NTRK2: variants seen among roughly 807,000 people sequenced by gnomAD.
NTRK2 encodes the protein neurotrophic receptor tyrosine kinase 2.
In NTRK2, 13 loss-of-function variants were observed where a neutral mutation model predicts 94.5. That is an observed-to-expected ratio of 0.14 (90% CI 0.09 to 0.22). The LOEUF (loss-of-function observed/expected upper bound fraction) is 0.22, where lower values mean the gene tolerates loss of function less well. Among genes scored for constraint, NTRK2 ranks in the 10% least tolerant of loss-of-function variants. The pLI, the probability that NTRK2 is intolerant of heterozygous loss-of-function variation, is 1.00. For synonymous variants in NTRK2, 372 were observed against 407.4 expected (o/e 0.91, Z 1.05); for missense variants, 639 against 1,071.2 (o/e 0.60, Z 5.63).
At chr9:84,798,878 T>G (rs942359638) in intron 12 of NTRK2, among the ~76,000 whole-genome samples, 1 of 145,558 alleles carries the variant, frequency 6.9e-6, no homozygotes, top group African/African-American at 2.6e-5. Context: ...TGATATTTAC[T>G]GAACACCTGC....
At chr9:84,701,180 C>T in intron 2 of NTRK2, among the ~76,000 whole-genome samples, 1 of 152,228 alleles carries the variant, frequency 6.6e-6, no homozygotes, top group East Asian at 1.9e-4. Context: ...TTAAGATTAA[C>T]TTAGGTTAGT....
At chr9:84,835,144 A>T (rs1332092604) in intron 12 of NTRK2, among the ~76,000 whole-genome samples, 1 of 152,144 alleles carries the variant, frequency 6.6e-6, no homozygotes, top group East Asian at 1.9e-4. Context: ...CAGACGTTTT[A>T]TCTGGGAGCT....
At chr9:84,707,822 T>G (rs2061199796) in intron 4 of NTRK2, 22 bp from the exon 5 acceptor site, 2 of 1,585,040 alleles carry the variant, frequency 1.3e-6, no homozygotes, top group Admixed American at 1.7e-5. Context: ...AATTCATGTT[T>G]AATGTTTTTG....
chr9:84,832,656 T>C (rs747884458), intron 12 of NTRK2, among the ~76,000 whole-genome samples: 14 of 152,152 alleles, frequency 9.2e-5, no homozygotes, highest in Non-Finnish European at 1.6e-4. Flanking sequence ...TATTACGCAA[T>C]CTTTAACCTA....
chr9:84,993,946 C>A (rs113411922), intron 17 of NTRK2, among the ~76,000 whole-genome samples: 1,536 of 152,274 alleles, frequency 0.01, 15 homozygotes, highest in Non-Finnish European at 0.015. Context: ...AGGCTTCCAG[C>A]CCAAAGCAAA....
intron 14 of NTRK2, among the ~76,000 whole-genome samples, chr9:84,893,525 G>A (rs952424207): frequency 2.0e-5 from 3 of 152,166 alleles, no homozygotes; most frequent in African/African-American, 7.2e-5. Context: ...CTCATTGGCA[G>A]TGTAGATGTG....
At chr9:84,746,292 T>C (rs1451937587) in intron 11 of NTRK2, among the ~76,000 whole-genome samples, 1 of 152,366 alleles carries the variant, frequency 6.6e-6, no homozygotes, top group Non-Finnish European at 1.5e-5. Context: ...ATTTACGTAC[T>C]GTCTGTGGCT....
At chr9:84,867,581 A>G in intron 14 of NTRK2, 150 bp downstream of exon 14, 3 of 753,198 alleles carry the variant, frequency 4.0e-6, no homozygotes, top group African/African-American at 1.7e-5. Context: ...CCAGGAATAG[A>G]TCCTTTAGTT....
chr9:84,981,135 C>T lies in NTRK2; in HGVS notation c.2172+25618C>T, dbSNP rs762917549. 3.3e-5 allele frequency among the ~76,000 whole-genome samples: 5 copies of T among 152,222 alleles called. 1 individual carries two copies. The highest frequency in any genetic ancestry group is 1.3e-4 in the Admixed American group (2 of 15,286). ...TCTCTCTATTGCCCAGGCTAGAGTA[C>T]AGTGGTGCAATCTCAGCTAATTGAA... On this transcript the variant is annotated intron_variant, in intron 17 of 18. Coordinates refer to ENST00000277120, the MANE Select transcript of NTRK2 (RefSeq NM_006180.6).
chr9:84,918,969 G>C (rs958596297), intron 14 of NTRK2, among the ~76,000 whole-genome samples: 6 of 152,052 alleles, frequency 3.9e-5, no homozygotes, highest in African/African-American at 1.4e-4. Context: ...ACCTGCAATA[G>C]CTCCCATCTG....
rs1403065628 is a variant in NTRK2 at position 85,022,962 on chromosome 9, T to C, written c.*1525T>C. The C allele has an allele frequency of 4.3e-6, 1 of 233,050 alleles. No homozygotes were observed. Among genetic ancestry groups the C allele is most frequent in the African/African-American group, 2.2e-5 (1 of 45,296 alleles). The allele number at this position is 233,050 out of a possible 1,614,324, so 14.4% of individuals were successfully genotyped here. ...ACAGGTCAAGTCCCTTGCTCTGGGC[T>C]CTAGTTGGGAGAGTGGTTTCATTCC... On this transcript the variant is annotated 3_prime_UTR_variant, in exon 19 of 19. Coordinates refer to ENST00000277120, the MANE Select transcript of NTRK2 (RefSeq NM_006180.6).
At chr9:84,972,829 T>G (rs921435038) in intron 17 of NTRK2, among the ~76,000 whole-genome samples, 7 of 152,182 alleles carry the variant, frequency 4.6e-5, no homozygotes, top group Admixed American at 4.6e-4. Flanking sequence ...TAAGCAATCA[T>G]ATTCTCATTT....
chr9:85,009,382 G>C (rs1300449123), intron 17 of NTRK2, among the ~76,000 whole-genome samples: 1 of 152,136 alleles, frequency 6.6e-6, no homozygotes, highest in Non-Finnish European at 1.5e-5. Context: ...TGCTTTGGTG[G>C]AAAGGTTTGA....
At chr9:84,685,370 T>TTC (rs1365981076) in intron 2 of NTRK2, among the ~76,000 whole-genome samples, 2 of 151,962 alleles carry the variant, frequency 1.3e-5, no homozygotes, top group African/African-American at 4.8e-5. Context: ...TTCTTCTTTT[T>TTC]TTTTTTTTCT....
chr9:84,889,279 C>T (rs923128467), intron 14 of NTRK2, among the ~76,000 whole-genome samples: 5 of 151,754 alleles, frequency 3.3e-5, no homozygotes, highest in Non-Finnish European at 2.9e-5. Context: ...CGTGAGCCAC[C>T]GCGCCCGGCC....
intron 2 of NTRK2, among the ~76,000 whole-genome samples, chr9:84,690,735 A>T (rs965097654): frequency 1.1e-4 from 16 of 152,014 alleles, no homozygotes; most frequent in Non-Finnish European, 2.1e-4. Flanking sequence ...AAAAATAAAA[A>T]AAATGATAAT....
intron 14 of NTRK2, among the ~76,000 whole-genome samples, chr9:84,923,512 T>A (rs925554660): frequency 8.5e-5 from 13 of 152,206 alleles, no homozygotes; most frequent in Admixed American, 4.6e-4. Flanking sequence ...TAACCACTGG[T>A]GTGATTTTTT....
chr9:84,934,018 T>G (rs2132714243), intron 14 of NTRK2, 144 bp from the exon 15 acceptor site: 1 of 829,990 alleles, frequency 1.2e-6, no homozygotes, highest in Middle Eastern at 3.0e-4. Context: ...ACTGTGAAGA[T>G]GGACACCCAG....
In NTRK2 at chr9:84,896,967, G is replaced by T. The variant is rs547801307; in HGVS notation, c.1633+29536G>T. The stretch of plus-strand genomic sequence containing the variant: ...CTTCCCTTCCTAGAATTGTTTGTCT[G>T]ACCTCTCCTGGAATCATAGCCCTGC... On this transcript the variant is annotated intron_variant, in intron 14 of 18. Coordinates refer to ENST00000277120, the MANE Select transcript of NTRK2 (RefSeq NM_006180.6). Among the ~76,000 whole-genome samples, 5 of 152,222 alleles carry T rather than the reference G, an allele frequency of 3.3e-5. No individual in the cohort carries two copies. In the South Asian group the frequency reaches 1.0e-3, roughly 32 times the overall value.
Sources: allele counts gnomAD v4.1 joint callset (sites outside exome capture counted in the v4.1 genomes callset), GRCh38; gene constraint gnomAD v4.1.1; transcripts MANE v1.5; gene names NCBI Gene and HGNC (gene_info 2026-07-23, HGNC 2026-07-21).